Variants in NIPAL1 observed in about 807,000 individuals in gnomAD.
NIPAL1 encodes the protein NIPA like domain containing 1.
A neutral mutation model predicts 37.7 loss-of-function variants in NIPAL1; 35 were observed. That is an observed-to-expected ratio of 0.93 (90% CI 0.71 to 1.23). The LOEUF (loss-of-function observed/expected upper bound fraction) is 1.23, where lower values mean the gene tolerates loss of function less well. NIPAL1 is among the 50% of genes most tolerant of loss of function. The pLI is 0.00. For missense variants in NIPAL1, 412 were observed against 473.9 expected (o/e 0.87, Z 1.21); for synonymous variants, 162 against 183.0 (o/e 0.89, Z 0.93).
rs1051808792 is a variant in NIPAL1, at chr4:48,037,335, A to G, written c.*1163A>G. ...TAGGACAAAATGGAGTTTCTGAAGA[A>G]GTCCAGGTGAATTCAGCTTTGGAGT... On this transcript the variant is annotated 3_prime_UTR_variant, in exon 6 of 6. Coordinates refer to ENST00000295461, the MANE Select transcript of NIPAL1 (RefSeq NM_207330.3). The G allele has an allele frequency of 2.8e-5, 11 of 387,244 alleles. No homozygotes were observed. The highest frequency in any genetic ancestry group is 4.6e-5 in the Non-Finnish European group (9 of 197,714). The allele number at this position is 387,244 out of a possible 1,614,324, so 24.0% of individuals were successfully genotyped here.
Position 48,036,192 on chromosome 4 carries a change from T to C in NIPAL1, c.*20T>C, listed in dbSNP as rs367807114. ...GACTGAAGTCTCTAGAAACACTGAG[T>C]TTTAACCAATATGAGACACACGAAG... On this transcript the variant is annotated 3_prime_UTR_variant, in exon 6 of 6. Transcript: ENST00000295461. 8.3e-6 allele frequency: 13 copies of C among 1,574,124 alleles called. No individual in the cohort carries two copies. The highest frequency in any genetic ancestry group is 1.8e-4 in the Middle Eastern group (1 of 5,448).
At chr4:48,026,942 T>C (rs976919166) in intron 2 of NIPAL1, among the ~76,000 whole-genome samples, 7 of 151,706 alleles carry the variant, frequency 4.6e-5, no homozygotes, top group Non-Finnish European at 8.8e-5. Context: ...GGTCTCAAAC[T>C]CCTGACCTCA....
intron 4 of NIPAL1, among the ~76,000 whole-genome samples, chr4:48,033,800 C>T (rs553889142): frequency 1.3e-5 from 2 of 152,246 alleles, no homozygotes; most frequent in African/African-American, 4.8e-5. Flanking sequence ...GTTTTCTATT[C>T]ATTACCAACC....
Position 48,037,838 on chromosome 4 carries a change from C to G in NIPAL1, c.*1666C>G, listed in dbSNP as rs1715988776. The stretch of plus-strand genomic sequence containing the variant: ...AATGTGATGGACAGATTTACTGTCA[C>G]TTATTGATTTTATGGAAAATAAATT... On this transcript the variant is annotated 3_prime_UTR_variant, in exon 6 of 6. Transcript: ENST00000295461. The G allele has an allele frequency of 6.6e-6, 1 of 151,610 alleles. No individual in the cohort carries two copies. Among genetic ancestry groups the G allele is most frequent in the Non-Finnish European group, 1.5e-5 (1 of 67,956 alleles). 9.4% of individuals were successfully genotyped at this position (151,610 alleles called of 1,614,324 possible).
chr4:48,029,619 A>G (rs73244472), intron 2 of NIPAL1, among the ~76,000 whole-genome samples: 46,988 of 152,080 alleles, frequency 0.31, 8,938 homozygotes, highest in Non-Finnish European at 0.41. Flanking sequence ...GATTCATGAA[A>G]GAATAAAATG....
rs1715918045 is a variant in NIPAL1, at chr4:48,035,869, T to C, written c.930T>C (p.Tyr310=). 1 of 1,613,906 alleles carries C rather than the reference T, an allele frequency of 6.2e-7. No homozygotes were observed. Among genetic ancestry groups the C allele is most frequent in the South Asian group, 1.1e-5 (1 of 91,076 alleles). The change falls in exon 6 of 6, where the codon TAT becomes TAC. Residue 310 remains tyrosine (Y), a synonymous_variant. Coordinates refer to ENST00000295461, the MANE Select transcript of NIPAL1 (RefSeq NM_207330.3). ...TFNTSLVTPI[Y]YVFFTSMVVT... is the part of the protein sequence containing the mutation. ...ATACCTCTCTTGTGACACCCATTTA[T>C]TATGTATTCTTCACATCCATGGTAG...
rs1716045078 is a variant in NIPAL1 at position 48,040,067 on chromosome 4, C to T, written c.*3895C>T. ...TCTCAAATATTTTGAATAAACTGTT[C>T]ATGAAGCCTTATATTTTGCAAGTGT... On this transcript the variant is annotated 3_prime_UTR_variant, in exon 6 of 6. Coordinates refer to ENST00000295461, the MANE Select transcript of NIPAL1 (RefSeq NM_207330.3). The T allele has an allele frequency of 6.6e-6, 1 of 152,092 alleles. No homozygotes were observed. Among genetic ancestry groups the T allele is most frequent in the Non-Finnish European group, 1.5e-5 (1 of 68,016 alleles). The allele number at this position is 152,092 out of a possible 1,614,324, so 9.4% of individuals were successfully genotyped here. A position where few individuals can be genotyped will look rare whatever the true frequency, so the allele number is the denominator to read the frequency against.
In NIPAL1 at chr4:48,027,160, G is replaced by T. The variant is rs1298791718; in HGVS notation, c.313+1826G>T. Among the ~76,000 whole-genome samples, 5 of 152,168 alleles carry T rather than the reference G, an allele frequency of 3.3e-5. No individual in the cohort carries two copies. The highest frequency in any genetic ancestry group is 2.1e-4 in the South Asian group (1 of 4,816). The stretch of plus-strand genomic sequence containing the variant: ...CTTTAACTGAAACTAAAAAGCAAAT[G>T]ATATATTGGGGGAAATATGATGAAA... On this transcript the variant is annotated intron_variant, in intron 2 of 5. Coordinates refer to ENST00000295461, the MANE Select transcript of NIPAL1 (RefSeq NM_207330.3). The surrounding 1 kb of genome is among the most constrained non-coding windows in gnomAD (Gnocchi z 4.1).
rs1324290331 is a variant in NIPAL1, at chr4:48,027,821, A to G, written c.314-2299A>G. Among the ~76,000 whole-genome samples the G allele has an allele frequency of 6.6e-6, 1 of 152,192 alleles. No homozygotes were observed. Among genetic ancestry groups the G allele is most frequent in the Non-Finnish European group, 1.5e-5 (1 of 68,020 alleles). Reference sequence around the variant, plus strand: ...ATTTCAGCATGACAAGGTAGAGGTTAAGCAGAGTGCATCTGCCCAATGCTT... The same window carrying G: ...ATTTCAGCATGACAAGGTAGAGGTTGAGCAGAGTGCATCTGCCCAATGCTT... On this transcript the variant is annotated intron_variant, in intron 2 of 5. Transcript: ENST00000295461. The surrounding 1 kb of genome is among the most constrained non-coding windows in gnomAD (Gnocchi z 4.1).
Position 48,033,033 on chromosome 4 carries a change from T to C in NIPAL1, c.411T>C (p.Phe137=). The stretch of plus-strand genomic sequence containing the variant: ...CTGCAAATTTTGCTGCTTATGCTTT[T>C]GCACCTGCCACCTTGGTCACCCCTC... ...GEAANFAAYA[F]APATLVTPLG... is the part of the protein sequence containing the mutation. Residue 137 remains phenylalanine, a synonymous_variant, in exon 4 of 6, where the codon TTT becomes TTC. Transcript: ENST00000295461. The C allele has an allele frequency of 6.2e-7, 1 of 1,614,098 alleles. No homozygotes were observed. Among genetic ancestry groups the C allele is most frequent in the Non-Finnish European group, 8.5e-7 (1 of 1,179,952 alleles).
In NIPAL1 at chr4:48,035,021, A is replaced by G; in HGVS notation, c.602A>G (p.Glu201Gly). ...GAAGTCACATCTTTGCATGAAATGG[A>G]AATGAAATTGAGAGACCCAGGTCTG... ...EEEVTSLHEM[E>G]MKLRDPGFIS... The change falls in exon 5 of 6, where the codon GAA becomes GGA. Residue 201 changes from glutamate (E) to glycine (G), a missense_variant. Transcript: ENST00000295461. 6.2e-7 allele frequency: 1 copy of G among 1,614,052 alleles called. No homozygotes were observed.
intron 4 of NIPAL1, among the ~76,000 whole-genome samples, chr4:48,034,255 G>A (rs186327026): frequency 6.6e-6 from 1 of 152,280 alleles, no homozygotes; most frequent in Non-Finnish European, 1.5e-5. Context: ...GGCCCAGGAC[G>A]GCTTGGAATG....
intron 1 of NIPAL1, among the ~76,000 whole-genome samples, chr4:48,021,025 T>C (rs1238372241): frequency 6.6e-6 from 1 of 152,206 alleles, no homozygotes; most frequent in Non-Finnish European, 1.5e-5. Flanking sequence ...TATATAAACA[T>C]GAATAATAAA....
At chr4:48,018,591 A>G (rs553690455) in intron 1 of NIPAL1, among the ~76,000 whole-genome samples, 39 of 152,346 alleles carry the variant, frequency 2.6e-4, no homozygotes, top group Middle Eastern at 3.4e-3. Flanking sequence ...TCTGAAGAGT[A>G]GGTGCAGGTG....
intron 1 of NIPAL1, among the ~76,000 whole-genome samples, chr4:48,022,877 A>T (rs2109366075): frequency 6.6e-6 from 1 of 152,152 alleles, no homozygotes; most frequent in African/African-American, 2.4e-5. Flanking sequence ...GGTTCCAGCT[A>T]CTTGGGAGGC....
Position 48,037,931 on chromosome 4 carries a change from A to G in NIPAL1, c.*1759A>G, listed in dbSNP as rs1053055969. The G allele has an allele frequency of 6.9e-6, 1 of 144,324 alleles. No individual in the cohort carries two copies. Among genetic ancestry groups the G allele is most frequent in the Non-Finnish European group, 1.5e-5 (1 of 65,550 alleles). The allele number at this position is 144,324 out of a possible 1,614,324, so 8.9% of individuals were successfully genotyped here. ...AAATCCTAACCAAAAAGTTGTCATT[A>G]AAAAAAAAAAAATTCAGGTAGACTG... On this transcript the variant is annotated 3_prime_UTR_variant, in exon 6 of 6. Transcript: ENST00000295461.
intron 2 of NIPAL1, among the ~76,000 whole-genome samples, chr4:48,026,338 A>C (rs532982640): frequency 6.6e-6 from 1 of 152,324 alleles, no homozygotes; most frequent in African/African-American, 2.4e-5. Flanking sequence ...AGTGTACTAT[A>C]AGATCTAAGC....
At position 48,025,130 on chromosome 4, in the gene NIPAL1, T is replaced by A. The variant is rs1560322895; in HGVS notation, c.109T>A (p.Ser37Thr). ...GGCTTGGTGTGAGATCACAAATGTG[T>A]CACAGCTGCTGGCTTCTCCTGTGCT... is the stretch of plus-strand genomic sequence containing the variant. ...SQAWCEITNVSQLLASPVLYT... is the reference protein window; with the variant it reads ...SQAWCEITNVTQLLASPVLYT... Residue 37 changes from serine (S) to threonine (T), a missense_variant, in exon 2 of 6, where the codon TCA (serine) becomes ACA (threonine). Coordinates refer to ENST00000295461, the MANE Select transcript of NIPAL1 (RefSeq NM_207330.3). 1.2e-6 allele frequency: 2 copies of A among 1,613,788 alleles called. No homozygotes were observed. The highest frequency in any genetic ancestry group is 1.7e-6 in the Non-Finnish European group (2 of 1,179,748).
rs1715709655 is a variant in NIPAL1, at chr4:48,027,014, G to T, written c.313+1680G>T. Among the ~76,000 whole-genome samples, 1 of 150,640 alleles carries T rather than the reference G, an allele frequency of 6.6e-6. No homozygotes were observed. ...ATTACAGGTGTGAGCCACTGCGCCT[G>T]GCCAAAAAATGAAATAATTTAAAAA... On this transcript the variant is annotated intron_variant, in intron 2 of 5. Coordinates refer to ENST00000295461, the MANE Select transcript of NIPAL1 (RefSeq NM_207330.3). The surrounding 1 kb of genome is among the most constrained non-coding windows in gnomAD (Gnocchi z 4.1).
Sources: allele counts gnomAD v4.1 joint callset (sites outside exome capture counted in the v4.1 genomes callset), GRCh38; gene constraint gnomAD v4.1.1; non-coding constraint Gnocchi (gnomAD v3.1); transcripts MANE v1.5; gene names NCBI Gene and HGNC (gene_info 2026-07-23, HGNC 2026-07-21).